Variants in PTPRD observed in about 807,000 individuals in gnomAD.
PTPRD encodes the protein protein tyrosine phosphatase receptor type D.
Under a neutral mutation model 214.5 loss-of-function variants are expected in PTPRD, and 34 were observed. That is an observed-to-expected ratio of 0.16 (90% CI 0.12 to 0.21). The LOEUF (loss-of-function observed/expected upper bound fraction) is 0.21, where lower values mean the gene tolerates loss of function less well. Among genes scored for constraint, PTPRD ranks in the 10% least tolerant of loss-of-function variants. The pLI is 1.00. For missense variants in PTPRD, 2,545 were observed against 2,398.7 expected, an observed-to-expected ratio of 1.06 and a Z score of -1.27; for synonymous variants, 1,128 against 845.7, an observed-to-expected ratio of 1.33 and a Z score of -5.79.
At chr9:9,517,376 T>G (rs1438828993) in intron 8 of PTPRD, among the ~76,000 whole-genome samples, 1 of 152,058 alleles carries the variant, frequency 6.6e-6, no homozygotes, top group African/African-American at 2.4e-5. Context: ...TCTGTAAAGA[T>G]GAGGTAATGT....
intron 10 of PTPRD, among the ~76,000 whole-genome samples, chr9:9,075,434 T>C (rs981142162): frequency 9.9e-5 from 15 of 152,226 alleles, no homozygotes; most frequent in Admixed American, 6.5e-4. Context: ...TATTATACTT[T>C]AAGTTCTAGG....
chr9:9,881,275 A>T (rs2068599471), intron 5 of PTPRD, among the ~76,000 whole-genome samples: 2 of 152,182 alleles, frequency 1.3e-5, no homozygotes, highest in Admixed American at 1.3e-4. Flanking sequence ...ACATATCTAC[A>T]ACTTGACTAT....
intron 10 of PTPRD, among the ~76,000 whole-genome samples, chr9:9,095,995 A>G (rs1227803822): frequency 6.6e-6 from 1 of 152,206 alleles, no homozygotes; most frequent in Non-Finnish European, 1.5e-5. Context: ...GAAATAAGCC[A>G]GACTCAGAAA....
At chr9:8,837,493 C>G (rs922950333) in intron 11 of PTPRD, among the ~76,000 whole-genome samples, 1 of 135,408 alleles carries the variant, frequency 7.4e-6, no homozygotes, top group Admixed American at 7.0e-5. Context: ...TTTTCTCTTC[C>G]TTTTTTTGTT....
rs1361079911 is a variant in PTPRD, at chr9:9,661,064, G to C, written c.-287+73469C>G. Among the ~76,000 whole-genome samples, 3 of 151,908 alleles carry C rather than the reference G, an allele frequency of 2.0e-5. No homozygotes were observed. The East Asian group carries it at 5.8e-4, about 29-fold the overall frequency. The stretch of plus-strand genomic sequence containing the variant: ...ACCACGTAACTTTCCATAAAGAAAT[G>C]AAACTTCCTACTTCAGAAAAACACT... On this transcript the variant is annotated intron_variant, in intron 7 of 45. Transcript: ENST00000381196.
At chr9:10,605,200 A>G (rs925972396) in intron 2 of PTPRD, among the ~76,000 whole-genome samples, 9 of 151,816 alleles carry the variant, frequency 5.9e-5, no homozygotes, top group African/African-American at 2.2e-4. Flanking sequence ...GTACAGGAAG[A>G]ATTTCCTCAT....
At chr9:10,119,247 C>A (rs1269565317) in intron 3 of PTPRD, among the ~76,000 whole-genome samples, 1 of 151,878 alleles carries the variant, frequency 6.6e-6, no homozygotes, top group Admixed American at 6.6e-5. Flanking sequence ...TCCTATAAGG[C>A]AGAGATTATT....
intron 5 of PTPRD, among the ~76,000 whole-genome samples, chr9:9,865,497 A>C (rs2063743580): frequency 6.6e-6 from 1 of 152,146 alleles, no homozygotes; most frequent in Admixed American, 6.5e-5. Flanking sequence ...GGGACACCAC[A>C]GTGTCCCCAC....
intron 11 of PTPRD, among the ~76,000 whole-genome samples, chr9:8,824,598 A>ATAAG (rs201218935): frequency 1.6e-5 from 1 of 63,670 alleles, no homozygotes; most frequent in African/African-American, 9.7e-5. Context: ...GTAAAGCAAA[A>ATAAG]TAAGTTATTT....
chr9:9,550,716 T>C (rs540080527), intron 8 of PTPRD, among the ~76,000 whole-genome samples: 2 of 151,766 alleles, frequency 1.3e-5, no homozygotes, highest in East Asian at 3.9e-4. Flanking sequence ...AAATCACTTA[T>C]CTGGCAAAGG....
intron 11 of PTPRD, among the ~76,000 whole-genome samples, chr9:8,765,165 GTAGTT>G (rs995400973): frequency 6.6e-5 from 10 of 152,178 alleles, no homozygotes; most frequent in Admixed American, 1.3e-4. Context: ...CATATGTGTA[GTAGTT>G]TAAAGATATG....
intron 9 of PTPRD, among the ~76,000 whole-genome samples, chr9:9,278,378 A>G (rs1387070608): frequency 6.6e-6 from 1 of 151,380 alleles, no homozygotes; most frequent in Admixed American, 6.6e-5. Context: ...AATTCACTAC[A>G]CAGCCTTATA....
At chr9:9,775,292 T>C (rs1208747981) in intron 5 of PTPRD, among the ~76,000 whole-genome samples, 1 of 152,214 alleles carries the variant, frequency 6.6e-6, no homozygotes, top group African/African-American at 2.4e-5. Flanking sequence ...TGAGTTAAAA[T>C]ATTTCTCTGA....
chr9:10,081,760 G>C (rs148231555), intron 3 of PTPRD, among the ~76,000 whole-genome samples: 3 of 152,042 alleles, frequency 2.0e-5, no homozygotes, highest in Non-Finnish European at 4.4e-5. Flanking sequence ...TGGTTTTCAC[G>C]TTTTGGTGTT....
intron 7 of PTPRD, among the ~76,000 whole-genome samples, chr9:9,701,816 C>T (rs909349058): frequency 1.3e-5 from 2 of 151,992 alleles, no homozygotes; most frequent in Non-Finnish European, 2.9e-5. Flanking sequence ...AACTGATAAG[C>T]TATTTGAAAA....
Position 9,032,104 on chromosome 9 carries a change from C to T in PTPRD, c.-142-13369G>A, listed in dbSNP as rs575327134. ...CAGCCGAGTTTTATTTTAAGGACAACAGCATTTTTACCTCCTGTTTTGCGT... is the reference window on the plus strand; with the variant it reads ...CAGCCGAGTTTTATTTTAAGGACAATAGCATTTTTACCTCCTGTTTTGCGT... On this transcript the variant is annotated intron_variant, in intron 10 of 45. Transcript: ENST00000381196. Among the ~76,000 whole-genome samples the T allele has an allele frequency of 2.0e-4, 30 of 151,714 alleles. No homozygotes were observed. The South Asian group carries it at 2.1e-3, about 11-fold the overall frequency.
chr9:8,780,076 A>G (rs1356769521), intron 11 of PTPRD, among the ~76,000 whole-genome samples: 1 of 150,670 alleles, frequency 6.6e-6, no homozygotes, highest in East Asian at 2.0e-4. Context: ...AGTTCTGAGA[A>G]TATCTGTAAA....
chr9:9,299,358 G>A (rs1954363044), intron 9 of PTPRD, among the ~76,000 whole-genome samples: 1 of 151,722 alleles, frequency 6.6e-6, no homozygotes, highest in Admixed American at 6.6e-5. Context: ...TTCAAGGGCT[G>A]CTACTGGCAT....
chr9:8,715,337 T>C (rs2098419660), intron 12 of PTPRD, among the ~76,000 whole-genome samples: 1 of 152,256 alleles, frequency 6.6e-6, no homozygotes, highest in Admixed American at 6.5e-5. Context: ...ATTTCACAGA[T>C]GAGCAACCTA....
Sources: gnomAD v4.1 joint callset for allele counts (sites outside exome capture counted in the v4.1 genomes callset) on GRCh38, gnomAD v4.1.1 for gene constraint, MANE v1.5 for transcripts, NCBI Gene and HGNC (gene_info 2026-07-23, HGNC 2026-07-21) for gene names.